STX8: variants seen among roughly 807,000 people sequenced by gnomAD.
The protein encoded by STX8 is syntaxin 8.
In STX8, 23 loss-of-function variants were observed where a neutral mutation model predicts 37.5. The observed-to-expected ratio is 0.61, with a 90% confidence interval of 0.44 to 0.87. The LOEUF (loss-of-function observed/expected upper bound fraction) is 0.87, where lower values mean the gene tolerates loss of function less well. Among genes scored for constraint, STX8 ranks in the 40% least tolerant of loss-of-function variants. The pLI, the probability that STX8 is intolerant of heterozygous loss-of-function variation, is 0.00. For synonymous variants in STX8, 115 were observed against 99.1 expected (o/e 1.16, Z -0.95); for missense variants, 313 against 284.7 (o/e 1.10, Z -0.71).
intron 4 of STX8, among the ~76,000 whole-genome samples, chr17:9,532,515 T>C (rs1905861288): frequency 6.6e-6 from 1 of 152,130 alleles, no homozygotes; most frequent in Admixed American, 6.5e-5. Flanking sequence ...CTGTTAAAAG[T>C]GGCTGCTTCT....
rs183235805 is a variant in STX8 at position 9,497,833 on chromosome 17, C to T, written c.449-5912G>A. Among the ~76,000 whole-genome samples the T allele has an allele frequency of 2.4e-3, 368 of 152,260 alleles. 1 individual carries two copies. Among genetic ancestry groups the T allele is most frequent in the Non-Finnish European group, 4.4e-3 (300 of 68,030 alleles). On this transcript the variant is annotated intron_variant, in intron 5 of 7. Transcript: ENST00000306357. The stretch of plus-strand genomic sequence containing the variant: ...GCACGGAGCACCAACATATTTAAAT[C>T]AAGGACTGAAATGTACAACACTTGT...
chr17:9,343,062 C>G (rs927687439), intron 7 of STX8, among the ~76,000 whole-genome samples: 4 of 148,572 alleles, frequency 2.7e-5, no homozygotes, highest in Non-Finnish European at 4.4e-5. Flanking sequence ...TGTGAGGATG[C>G]ACTGAGTGGT....
chr17:9,378,631 G>T lies in STX8; in HGVS notation c.564C>A (p.Asn188Lys). 6.2e-7 allele frequency: 1 copy of T among 1,613,636 alleles called. No individual in the cohort carries two copies. The highest frequency in any genetic ancestry group is 8.5e-7 in the Non-Finnish European group (1 of 1,179,662). The change falls in exon 7 of 8, where the codon AAC (asparagine) becomes AAA (lysine). Residue 188 changes from asparagine to lysine, a missense_variant. By Grantham distance (94) the Asn-to-Lys change is moderately conservative. Coordinates refer to ENST00000306357, the MANE Select transcript of STX8 (RefSeq NM_004853.3). ...EQNEIIDDLA[N>K]LVENTDEKLR... ...GTTTTTCATCTGTGTTCTCCACTAG[G>T]TTGGCAAGGTCGTCAATTATCTCTA...
rs531117887 is a variant in STX8, at chr17:9,478,755, T to A, written c.541+13074A>T. Among the ~76,000 whole-genome samples the A allele has an allele frequency of 1.1e-4, 16 of 152,236 alleles. No individual in the cohort carries two copies. The East Asian group carries it at 3.1e-3, about 29-fold the overall frequency. ...CACATTATACATTTATGCAGAAATA[T>A]AAAGCCTTTTGATTTCTCCAGCTTG... On this transcript the variant is annotated intron_variant, in intron 6 of 7. Transcript: ENST00000306357.
chr17:9,529,526 A>G (rs989125568), intron 4 of STX8, among the ~76,000 whole-genome samples: 5 of 152,128 alleles, frequency 3.3e-5, no homozygotes, highest in African/African-American at 1.2e-4. Context: ...CAGCAAGAAA[A>G]AGAGTATTAC....
intron 6 of STX8, among the ~76,000 whole-genome samples, chr17:9,390,070 G>C (rs1251520654): frequency 2.6e-5 from 4 of 152,172 alleles, no homozygotes; most frequent in Non-Finnish European, 5.9e-5. Flanking sequence ...CAGGCTTTGG[G>C]GACACAGGGA....
At chr17:9,324,257 C>T (rs1000392885) in intron 7 of STX8, among the ~76,000 whole-genome samples, 5 of 152,122 alleles carry the variant, frequency 3.3e-5, no homozygotes, top group Non-Finnish European at 7.3e-5. Flanking sequence ...GGTACCAGCC[C>T]ACAAACGCTG....
intron 4 of STX8, among the ~76,000 whole-genome samples, chr17:9,528,798 C>G (rs1037580643): frequency 3.3e-5 from 5 of 150,496 alleles, no homozygotes; most frequent in Non-Finnish European, 7.4e-5. Flanking sequence ...CATCCCTCTT[C>G]GTTAAAAAAA....
intron 7 of STX8, among the ~76,000 whole-genome samples, chr17:9,301,083 C>G (rs1424556487): frequency 1.3e-5 from 2 of 152,164 alleles, no homozygotes; most frequent in East Asian, 3.9e-4. Context: ...CCACCCGCCT[C>G]GGCCTCCCAA....
intron 6 of STX8, among the ~76,000 whole-genome samples, chr17:9,411,827 T>C (rs1455954652): frequency 6.6e-6 from 1 of 152,218 alleles, no homozygotes; most frequent in Admixed American, 6.5e-5. Context: ...TCTCAGCCTT[T>C]TTAGAAGCAA....
chr17:9,517,722 G>C (rs548429830), intron 4 of STX8, among the ~76,000 whole-genome samples: 1 of 145,520 alleles, frequency 6.9e-6, no homozygotes, highest in African/African-American at 2.6e-5. Flanking sequence ...GGAAGGCCAA[G>C]GCAGGAGGAC....
chr17:9,521,183 C>A (rs1010851516), intron 4 of STX8, among the ~76,000 whole-genome samples: 3 of 152,054 alleles, frequency 2.0e-5, no homozygotes, highest in African/African-American at 7.2e-5. Context: ...CTGGATTACA[C>A]GGAAGAGAGG....
chr17:9,374,184 C>T (rs1382458775), intron 7 of STX8, among the ~76,000 whole-genome samples: 7 of 151,304 alleles, frequency 4.6e-5, no homozygotes, highest in Non-Finnish European at 7.4e-5. Context: ...CAGGTTTAAG[C>T]GATTCTCCTG....
chr17:9,524,050 C>T (rs1263358441), intron 4 of STX8, among the ~76,000 whole-genome samples: 1 of 152,208 alleles, frequency 6.6e-6, no homozygotes, highest in Non-Finnish European at 1.5e-5. Flanking sequence ...CCCACATTTT[C>T]AATTCTGGCA....
chr17:9,368,865 G>C (rs1453313847), intron 7 of STX8, among the ~76,000 whole-genome samples: 1 of 151,294 alleles, frequency 6.6e-6, no homozygotes, highest in South Asian at 2.1e-4. Context: ...AGTCATTAGT[G>C]ATTTACAGCA....
chr17:9,553,481 G>C (rs1906846262), intron 3 of STX8: 1 of 152,144 alleles, frequency 6.6e-6, no homozygotes, highest in African/African-American at 2.4e-5. Flanking sequence ...GTTCACAAGT[G>C]TAGAAAGGCA....
intron 7 of STX8, among the ~76,000 whole-genome samples, chr17:9,306,251 T>C (rs923874852): frequency 2.0e-5 from 3 of 152,108 alleles, no homozygotes; most frequent in African/African-American, 4.8e-5. Flanking sequence ...GTACACTCTG[T>C]GATGCTCACA....
intron 7 of STX8, among the ~76,000 whole-genome samples, chr17:9,318,450 G>A (rs1172175155): frequency 2.0e-5 from 3 of 152,136 alleles, no homozygotes; most frequent in Non-Finnish European, 2.9e-5. Context: ...GAATCCAATG[G>A]AGAAGGAATA....
At chr17:9,312,358 C>T (rs1209516368) in intron 7 of STX8, among the ~76,000 whole-genome samples, 5 of 152,088 alleles carry the variant, frequency 3.3e-5, no homozygotes, top group South Asian at 2.1e-4. Flanking sequence ...TGCGCCACCA[C>T]GCCCAGCTAA....
Sources: allele counts gnomAD v4.1 joint callset (sites outside exome capture counted in the v4.1 genomes callset), GRCh38; gene constraint gnomAD v4.1.1; transcripts MANE v1.5; gene names NCBI Gene and HGNC (gene_info 2026-07-23, HGNC 2026-07-21).